Variants in RAF1 observed in about 807,000 individuals in gnomAD.
RAF1 encodes the protein RAF proto-oncogene serine/threonine-protein kinase.
Under a neutral mutation model 81.1 loss-of-function variants are expected in RAF1, and 27 were observed. The observed-to-expected ratio is 0.33, with a 90% CI of 0.25 to 0.46. The LOEUF (loss-of-function observed/expected upper bound fraction) is 0.46. Among genes scored for constraint, RAF1 ranks in the 20% least tolerant of loss-of-function variants. The probability of loss-of-function intolerance (pLI) is 1.00; values close to 1 mark genes in which losing one functional copy is unlikely to be tolerated. For missense variants in RAF1, 598 were observed against 826.0 expected, an observed-to-expected ratio of 0.72 and a Z score of 3.38; for synonymous variants, 298 against 294.0, an observed-to-expected ratio of 1.01 and a Z score of -0.14.
At chr3:12,591,925 A>ATTTTT in intron 11 of RAF1, 133 bp from the exon 11 acceptor site, 4 of 645,544 alleles carry the variant, frequency 6.2e-6, no homozygotes, top group Non-Finnish European at 1.1e-5. Flanking sequence ...CAAATTTCCA[A>ATTTTT]TTTTTTTTTT....
intron 1 of RAF1, among the ~76,000 whole-genome samples, chr3:12,638,046 T>C (rs1161626081): frequency 2.0e-5 from 3 of 152,154 alleles, no homozygotes; most frequent in Admixed American, 1.3e-4. Context: ...CCCATCATTC[T>C]TCTCTTTACT....
At chr3:12,655,765 T>TGCC (rs1486673236) in intron 1 of RAF1, among the ~76,000 whole-genome samples, 1 of 152,030 alleles carries the variant, frequency 6.6e-6, no homozygotes, top group Admixed American at 6.6e-5. Flanking sequence ...TACAGATACA[T>TGCC]GCCACCACCA....
chr3:12,655,491 G>A (rs921599913), intron 1 of RAF1, among the ~76,000 whole-genome samples: 3 of 152,208 alleles, frequency 2.0e-5, no homozygotes, highest in African/African-American at 4.8e-5. Flanking sequence ...GTAAAATGGT[G>A]CAGTCACTGT....
intron 8 of RAF1, among the ~76,000 whole-genome samples, chr3:12,601,807 C>CAGAA (rs1429279961): frequency 6.6e-6 from 1 of 152,148 alleles, no homozygotes; most frequent in African/African-American, 2.4e-5. Context: ...GAGAGTGATT[C>CAGAA]TGACTCTGGA....
chr3:12,625,225 A>T (rs2059668795), intron 1 of RAF1, among the ~76,000 whole-genome samples: 1 of 152,098 alleles, frequency 6.6e-6, no homozygotes, highest in East Asian at 1.9e-4. Context: ...CTGGGATCAC[A>T]GGCATGCGCC....
chr3:12,591,572 A>G, intron 12 of RAF1, 136 bp downstream of exon 11: 1 of 748,742 alleles, frequency 1.3e-6, no homozygotes, highest in Non-Finnish European at 2.4e-6. Context: ...AGGGAGGAGC[A>G]TCCAACCACA....
At chr3:12,652,512 C>G (rs1191192074) in intron 1 of RAF1, among the ~76,000 whole-genome samples, 1 of 151,998 alleles carries the variant, frequency 6.6e-6, no homozygotes, top group African/African-American at 2.4e-5. Context: ...CAAAGCTAGA[C>G]TCGGTCTCAA....
chr3:12,585,640 G>C (rs752318179), intron 15 of RAF1, 41 bp downstream of exon 14: 1 of 1,504,992 alleles, frequency 6.6e-7, no homozygotes. Flanking sequence ...CATTCCTTTT[G>C]CCCTATACCA....
chr3:12,620,520 G>C (rs1383901063), intron 1 of RAF1, among the ~76,000 whole-genome samples: 2 of 152,106 alleles, frequency 1.3e-5, no homozygotes, highest in Non-Finnish European at 2.9e-5. Context: ...GCCCAGGCTG[G>C]GGTGCAGTGA....
chr3:12,602,608 A>G (rs2058895164), intron 8 of RAF1, among the ~76,000 whole-genome samples: 1 of 152,124 alleles, frequency 6.6e-6, no homozygotes, highest in Non-Finnish European at 1.5e-5. Context: ...CTTCCCACCC[A>G]GCCAATTCTG....
chr3:12,616,012 A>T (rs1365293788), intron 2 of RAF1, among the ~76,000 whole-genome samples: 1 of 152,074 alleles, frequency 6.6e-6, no homozygotes, highest in East Asian at 1.9e-4. Flanking sequence ...AGATTGGGCC[A>T]CTGCACTCCA....
intron 6 of RAF1, among the ~76,000 whole-genome samples, chr3:12,605,086 A>C (rs2058982312): frequency 6.6e-6 from 1 of 152,202 alleles, no homozygotes; most frequent in South Asian, 2.1e-4. Flanking sequence ...TAATCTTCAG[A>C]GGTAACTACA....
intron 1 of RAF1, among the ~76,000 whole-genome samples, chr3:12,663,345 C>G (rs1177280983): frequency 6.6e-6 from 1 of 152,322 alleles, no homozygotes; most frequent in Middle Eastern, 3.4e-3. Context: ...TGGTAGGGCA[C>G]TGGCCAGTTT....
chr3:12,646,441 C>G (rs2060351297), intron 1 of RAF1, among the ~76,000 whole-genome samples: 1 of 152,086 alleles, frequency 6.6e-6, no homozygotes. Flanking sequence ...GTGGCACGAT[C>G]TCAGCTCACT....
intron 1 of RAF1, among the ~76,000 whole-genome samples, chr3:12,628,751 T>TTG (rs2059780474): frequency 1.2e-5 from 1 of 82,126 alleles, no homozygotes; most frequent in Non-Finnish European, 2.5e-5. Flanking sequence ...AGACTATTTT[T>TTG]GGGGGGGGGG....
At chr3:12,629,295 G>C (rs1333373881) in intron 1 of RAF1, among the ~76,000 whole-genome samples, 2 of 152,124 alleles carry the variant, frequency 1.3e-5, no homozygotes, top group Non-Finnish European at 2.9e-5. Flanking sequence ...AAGCTTGTTT[G>C]GCTATCTGAA....
intron 1 of RAF1, among the ~76,000 whole-genome samples, chr3:12,635,355 G>T (rs1015006723): frequency 1.9e-5 from 2 of 102,802 alleles, no homozygotes; most frequent in Non-Finnish European, 4.1e-5. Context: ...AAAAAAAAAA[G>T]GCCAGGGGCC....
At chr3:12,657,022 T>G in intron 1 of RAF1, among the ~76,000 whole-genome samples, 1 of 148,242 alleles carries the variant, frequency 6.7e-6, no homozygotes, top group African/African-American at 2.5e-5. Context: ...AAAAGAGGAA[T>G]AGATAAAAGT....
intron 1 of RAF1, among the ~76,000 whole-genome samples, chr3:12,642,670 C>A (rs1262652062): frequency 1.0e-5 from 1 of 100,454 alleles, no homozygotes; most frequent in African/African-American, 3.8e-5. Context: ...GACACCATCT[C>A]TACACACACA....
Sources: gnomAD v4.1 joint callset for allele counts (sites outside exome capture counted in the v4.1 genomes callset) on GRCh38, gnomAD v4.1.1 for gene constraint, MANE v1.5 for transcripts, NCBI Gene and HGNC (gene_info 2026-07-23, HGNC 2026-07-21) for gene names.